The following PNLDC1 variants were observed in gnomAD, a reference collection of about 807,000 sequenced individuals.
PNLDC1 encodes poly(A)-specific ribonuclease PNLDC1.
In PNLDC1, 70 loss-of-function variants were observed where a neutral mutation model predicts 82.0. That is an observed-to-expected ratio of 0.85 (90% CI 0.70 to 1.04). The LOEUF (loss-of-function observed/expected upper bound fraction) is 1.04. Among genes scored for constraint, PNLDC1 ranks in the 50% least tolerant of loss-of-function variants. The pLI is 0.00. For missense variants in PNLDC1, 631 were observed against 661.1 expected, an observed-to-expected ratio of 0.95 and a Z score of 0.50; for synonymous variants, 280 against 249.3, an observed-to-expected ratio of 1.12 and a Z score of -1.16.
Position 159,820,552 on chromosome 6 carries a change from C to T in PNLDC1, c.*35C>T. 1 of 1,599,918 alleles carries T rather than the reference C, an allele frequency of 6.3e-7. No homozygotes were observed. Reference sequence around the variant, plus strand: ...GGCCTCCTGCGGCCACCCTCGGGTCCCCATGCTCTCTGGGAGGTGTGCTGG... The same window carrying T: ...GGCCTCCTGCGGCCACCCTCGGGTCTCCATGCTCTCTGGGAGGTGTGCTGG... On this transcript the variant is annotated 3_prime_UTR_variant, in exon 19 of 19. Coordinates refer to ENST00000392167, the MANE Select transcript of PNLDC1 (RefSeq NM_001271862.2).
At chr6:159,820,178 T>A (rs1781990155) in intron 18 of PNLDC1, among the ~76,000 whole-genome samples, 1 of 151,988 alleles carries the variant, frequency 6.6e-6, no homozygotes, top group South Asian at 2.1e-4. Context: ...CTGGGTGAGG[T>A]TCTGGCTTGC....
At position 159,816,550 on chromosome 6, in the gene PNLDC1, A is replaced by G; in HGVS notation, c.1068A>G (p.Thr356=). 6.2e-7 allele frequency: 1 copy of G among 1,613,430 alleles called. No homozygotes were observed. The highest frequency in any genetic ancestry group is 1.1e-5 in the South Asian group (1 of 91,070). Residue 356 remains threonine (T), a synonymous_variant, in exon 14 of 19, where the codon ACA becomes ACG. Transcript: ENST00000392167. The part of the protein sequence containing the change: ...HASRCEKYVE[T]KCPHEAAYDA... ...TGGTGGAAAATGCCTCAGTTGAGACAAAGTGCCCCCACGAAGCCGCGTATG... is the reference window on the plus strand; with the variant it reads ...TGGTGGAAAATGCCTCAGTTGAGACGAAGTGCCCCCACGAAGCCGCGTATG...
At chr6:159,803,462 G>T in intron 4 of PNLDC1, 152 bp downstream of exon 4, 3 of 658,224 alleles carry the variant, frequency 4.6e-6, no homozygotes, top group Non-Finnish European at 7.9e-6. Context: ...TCTGCCCTCT[G>T]CGGATTCCAG....
Position 159,815,400 on chromosome 6 carries a change from C to T in PNLDC1, c.996-569C>T, listed in dbSNP as rs182222183. Among the ~76,000 whole-genome samples the T allele has an allele frequency of 5.1e-3, 775 of 152,344 alleles. 4 individuals carry two copies. Among genetic ancestry groups the T allele is most frequent in the Non-Finnish European group, 6.4e-3 (437 of 68,034 alleles). On this transcript the variant is annotated intron_variant, in intron 12 of 18. Coordinates refer to ENST00000392167, the MANE Select transcript of PNLDC1 (RefSeq NM_001271862.2). ...TGCCTGTTGTAGGGGCTCCTCCCCA[C>T]CCTCTTGGCCCTCCCTTCACACAAA...
intron 11 of PNLDC1, among the ~76,000 whole-genome samples, chr6:159,812,805 T>A (rs1368205913): frequency 1.3e-5 from 2 of 152,164 alleles, no homozygotes; most frequent in African/African-American, 4.8e-5. Flanking sequence ...GTGAATGGCT[T>A]GAGCCCAGGA....
Position 159,819,197 on chromosome 6 carries a change from C to A in PNLDC1, c.1434-57C>A. The A allele has an allele frequency of 6.2e-7, 1 of 1,607,744 alleles. No individual in the cohort carries two copies. On this transcript the variant is annotated intron_variant, in intron 17 of 18. Transcript: ENST00000392167. The surrounding 1 kb of genome is among the most constrained non-coding windows in gnomAD (Gnocchi z 4.6). ...ATCTCTCTGACTCCACCCGCCTGAT[C>A]ACAGCAGGCGGCGCCATCCTGCTGC...
At chr6:159,803,176 T>C in intron 3 of PNLDC1, 95 bp from the exon 4 acceptor site, 1 of 1,151,722 alleles carries the variant, frequency 8.7e-7, no homozygotes, top group African/African-American at 1.5e-5. Flanking sequence ...ATAGTATCTG[T>C]GGGCGCAAAG....
chr6:159,805,922 T>A (rs1781430171), intron 6 of PNLDC1, 61 bp from the exon 7 acceptor site: 1 of 1,216,084 alleles, frequency 8.2e-7, no homozygotes, highest in Admixed American at 1.7e-5. Context: ...CATGTTAACA[T>A]AGTCTTGCGG....
At chr6:159,806,515 G>A (rs1424515310) in intron 7 of PNLDC1, among the ~76,000 whole-genome samples, 2 of 152,110 alleles carry the variant, frequency 1.3e-5, no homozygotes, top group Admixed American at 6.6e-5. Context: ...AGGTCAAAAC[G>A]GTTTTCCAAG....
intron 1 of PNLDC1, 91 bp downstream of exon 1, chr6:159,800,474 CAGGGCCTCAGAG>C (rs1427175675): frequency 7.0e-7 from 1 of 1,433,086 alleles, no homozygotes; most frequent in Non-Finnish European, 9.4e-7. Context: ...TGCCAGGCCA[CAGGGCCTCAGAG>C]AGGGCCTCGG....
At position 159,801,009 on chromosome 6, in the gene PNLDC1, A is replaced by G; in HGVS notation, c.135-104A>G. ...GTAGTGCTCCCTAGTTGTTGTAACA[A>G]GGAAAAAATCCTCCCCGGTTGCGAG... On this transcript the variant is annotated intron_variant, in intron 2 of 18. Coordinates refer to ENST00000392167, the MANE Select transcript of PNLDC1 (RefSeq NM_001271862.2). 2.7e-6 allele frequency: 4 copies of G among 1,480,478 alleles called. No homozygotes were observed. The South Asian group carries it at 4.5e-5, about 17-fold the overall frequency. 91.7% of individuals were successfully genotyped at this position (1,480,478 alleles called of 1,614,324 possible). A position where few individuals can be genotyped will look rare whatever the true frequency, so the allele number is the denominator to read the frequency against.
Position 159,801,100 on chromosome 6 carries a change from T to G in PNLDC1, c.135-13T>G, listed in dbSNP as rs1781235656. 1 of 1,613,994 alleles carries G rather than the reference T, an allele frequency of 6.2e-7. No homozygotes were observed. ...GTCATTGCTCGTGGAATGAGATGCC[T>G]GTTTGTTCACAGTCTTTTTGATTTG... On this transcript the variant is annotated splice_polypyrimidine_tract_variant and intron_variant, in intron 2 of 18. Coordinates refer to ENST00000392167, the MANE Select transcript of PNLDC1 (RefSeq NM_001271862.2).
chr6:159,805,380 C>A (rs1346527788), intron 6 of PNLDC1, among the ~76,000 whole-genome samples: 1 of 152,176 alleles, frequency 6.6e-6, no homozygotes, highest in Non-Finnish European at 1.5e-5. Context: ...AAATGAACAT[C>A]TGAAATGCGA....
rs755220800 is a variant in PNLDC1 at position 159,800,774 on chromosome 6, C to G, written c.79C>G (p.Leu27Val). 2 of 1,614,178 alleles carry G rather than the reference C, an allele frequency of 1.2e-6. No homozygotes were observed. The highest frequency in any genetic ancestry group is 2.2e-5 in the East Asian group (1 of 44,880). The change falls in exon 2 of 19, where the codon CTG becomes GTG. Residue 27 changes from leucine to valine, a missense_variant and splice_region_variant. Coordinates refer to ENST00000392167, the MANE Select transcript of PNLDC1 (RefSeq NM_001271862.2). Reference sequence around the variant, plus strand: ...GCTATTTTTTGCCTTCCTGGCAGGTCTGGACATAGAGTTCACGGGCCTTCG... The same window carrying G: ...GCTATTTTTTGCCTTCCTGGCAGGTGTGGACATAGAGTTCACGGGCCTTCG... ...ELVQEADFVG[L>V]DIEFTGLRSN... is the part of the protein sequence containing the mutation.
intron 12 of PNLDC1, among the ~76,000 whole-genome samples, chr6:159,815,695 G>C (rs1434219388): frequency 6.6e-6 from 1 of 152,176 alleles, no homozygotes; most frequent in Non-Finnish European, 1.5e-5. Context: ...CCGGAGGACA[G>C]AGACAGTATC....
intron 7 of PNLDC1, among the ~76,000 whole-genome samples, chr6:159,808,224 A>G (rs1781517575): frequency 6.6e-6 from 1 of 152,126 alleles, no homozygotes; most frequent in Non-Finnish European, 1.5e-5. Flanking sequence ...GTGAGGCTGG[A>G]TTTTCTTATG....
Position 159,816,646 on chromosome 6 carries a change from T to C in PNLDC1, c.1114+50T>C, listed in dbSNP as rs746836903. The C allele has an allele frequency of 1.6e-3, 1,538 of 962,056 alleles. 19 individuals are homozygous for C. The African/African-American group carries it at 0.028, about 18-fold the overall frequency. The allele number at this position is 962,056 out of a possible 1,614,324, so 59.6% of individuals were successfully genotyped here. A position where few individuals can be genotyped will look rare whatever the true frequency, so the allele number is the denominator to read the frequency against. On this transcript the variant is annotated intron_variant, in intron 14 of 18. Transcript: ENST00000392167. ...GGAAACTCACTTTTTTTTTTTTTTT[T>C]TCTGAGACAGGGTCTCACTCTGTTG...
chr6:159,816,629 ACT>A (rs1491322913), intron 14 of PNLDC1, 33 bp downstream of exon 14: 9 of 1,437,594 alleles, frequency 6.3e-6, no homozygotes, highest in Admixed American at 5.1e-5. Flanking sequence ...AAGGAAACTC[ACT>A]TTTTTTTTTT....
chr6:159,808,654 C>T (rs1781537211), intron 7 of PNLDC1, 86 bp from the exon 8 acceptor site: 2 of 1,280,656 alleles, frequency 1.6e-6, no homozygotes, highest in Admixed American at 2.0e-5. Context: ...CTTTCCATCT[C>T]AGCTTCTGCT....
Sources: gnomAD v4.1 joint callset for allele counts (sites outside exome capture counted in the v4.1 genomes callset) on GRCh38, gnomAD v4.1.1 for gene constraint, Gnocchi (gnomAD v3.1) non-coding constraint, MANE v1.5 for transcripts, NCBI Gene and HGNC (gene_info 2026-07-23, HGNC 2026-07-21) for gene names.